PTPRN2: variants seen among roughly 807,000 people sequenced by gnomAD.
PTPRN2 encodes the protein receptor-type tyrosine-protein phosphatase N2.
In PTPRN2, 74 loss-of-function variants were observed where a neutral mutation model predicts 118.8. The ratio of observed to expected loss-of-function variants is 0.62; its 90% CI spans 0.52 to 0.76. The LOEUF (loss-of-function observed/expected upper bound fraction) is 0.76. Ranked by LOEUF, PTPRN2 falls within the 30% of genes least tolerant of loss-of-function variation. The pLI is 0.00. For missense variants in PTPRN2, 1,481 were observed against 1,394.4 expected, an observed-to-expected ratio of 1.06 and a Z score of -0.99; for synonymous variants, 641 against 608.0, an observed-to-expected ratio of 1.05 and a Z score of -0.80.
chr7:157,542,658 A>G (rs1798069144), intron 22 of PTPRN2, among the ~76,000 whole-genome samples: 2 of 152,194 alleles, frequency 1.3e-5, no homozygotes, highest in Non-Finnish European at 2.9e-5. Context: ...CCAACACTGC[A>G]CAGTCACCGG....
chr7:158,059,355 A>C (rs1355606102), intron 11 of PTPRN2, among the ~76,000 whole-genome samples: 145 of 102,566 alleles, frequency 1.4e-3, no homozygotes, highest in Middle Eastern at 0.014. Flanking sequence ...CTCCATCTGC[A>C]CACGGTGACG....
intron 4 of PTPRN2, among the ~76,000 whole-genome samples, chr7:158,194,360 T>A (rs561328891): frequency 5.3e-5 from 8 of 152,336 alleles, no homozygotes; most frequent in Middle Eastern, 6.8e-3. Context: ...GGCATCACCA[T>A]TAAAAAGATG....
chr7:157,772,362 CACAG>C (rs1481669177), intron 12 of PTPRN2, among the ~76,000 whole-genome samples: 6 of 151,942 alleles, frequency 3.9e-5, no homozygotes, highest in African/African-American at 1.5e-4. Flanking sequence ...CACACATACA[CACAG>C]ACACAGACAC....
Position 157,725,361 on chromosome 7 carries a change from G to C in PTPRN2, c.1789-42424C>G, listed in dbSNP as rs1275856827. 9.6e-4 allele frequency among the ~76,000 whole-genome samples: 35 copies of C among 36,428 alleles called. 1 individual carries two copies. The highest frequency in any genetic ancestry group is 1.4e-3 in the African/African-American group (10 of 7,048). 23.9% of individuals were successfully genotyped at this position (36,428 alleles called of 152,430 possible). ...GAACTGGATATCTACACACAGAGGAGTGTGGCCAGACCCTCGCCTCCCAGG... is the reference window on the plus strand; with the variant it reads ...GAACTGGATATCTACACACAGAGGACTGTGGCCAGACCCTCGCCTCCCAGG... On this transcript the variant is annotated intron_variant, in intron 12 of 22. Transcript: ENST00000389418.
intron 12 of PTPRN2, among the ~76,000 whole-genome samples, chr7:157,834,760 C>T (rs553345994): frequency 4.6e-5 from 7 of 152,334 alleles, no homozygotes; most frequent in East Asian, 3.9e-4. Flanking sequence ...GGACCCCAGG[C>T]GGGTGTGGGG....
chr7:158,234,937 T>C (rs145955307), intron 3 of PTPRN2, among the ~76,000 whole-genome samples: 1,991 of 152,246 alleles, frequency 0.013, 18 homozygotes, highest in Middle Eastern at 0.044. Flanking sequence ...TAATTTTTTG[T>C]ATTTTTAGTA....
chr7:157,772,304 C>CACACAA (rs1563092080), intron 12 of PTPRN2, among the ~76,000 whole-genome samples: 2,797 of 144,856 alleles, frequency 0.019, 99 homozygotes, highest in African/African-American at 0.07. Context: ...CACAGACATA[C>CACACAA]AGACACACAT....
At chr7:158,149,319 T>A (rs909454241) in intron 6 of PTPRN2, among the ~76,000 whole-genome samples, 1 of 152,196 alleles carries the variant, frequency 6.6e-6, no homozygotes, top group Admixed American at 6.5e-5. Flanking sequence ...TGTAAATCAC[T>A]GCCTATATTT....
At chr7:158,355,140 C>G (rs1563193575) in intron 2 of PTPRN2, among the ~76,000 whole-genome samples, 1 of 152,142 alleles carries the variant, frequency 6.6e-6, no homozygotes, top group Admixed American at 6.5e-5. Context: ...GAATTCATCA[C>G]CACCAAACCC....
chr7:157,997,054 C>A (rs1174927100), intron 11 of PTPRN2, among the ~76,000 whole-genome samples: 2 of 152,324 alleles, frequency 1.3e-5, no homozygotes, highest in Non-Finnish European at 2.9e-5. Flanking sequence ...GAGGCCGGCA[C>A]GGGGGCCCAG....
chr7:157,789,964 TG>T, intron 12 of PTPRN2, among the ~76,000 whole-genome samples: 1 of 142,778 alleles, frequency 7.0e-6, no homozygotes, highest in East Asian at 2.2e-4. Flanking sequence ...GGTGGTGACA[TG>T]TGCGTATGGT....
At chr7:158,304,213 C>T (rs1341204966) in intron 3 of PTPRN2, among the ~76,000 whole-genome samples, 2 of 149,908 alleles carry the variant, frequency 1.3e-5, no homozygotes, top group Non-Finnish European at 3.0e-5. Flanking sequence ...CATCAATACA[C>T]ATAAGACGTA....
intron 5 of PTPRN2, among the ~76,000 whole-genome samples, chr7:158,183,427 T>TC (rs1419676680): frequency 1.3e-5 from 2 of 152,036 alleles, no homozygotes; most frequent in African/African-American, 4.8e-5. Flanking sequence ...TGCTTCCCAC[T>TC]CCCCCCTGGG....
At chr7:158,343,041 C>A (rs1807184065) in intron 2 of PTPRN2, among the ~76,000 whole-genome samples, 1 of 152,122 alleles carries the variant, frequency 6.6e-6, no homozygotes, top group African/African-American at 2.4e-5. Context: ...AAGAGTGAAA[C>A]TTCATCTCAA....
intron 3 of PTPRN2, among the ~76,000 whole-genome samples, chr7:158,274,276 G>C (rs1798784600): frequency 6.8e-6 from 1 of 146,236 alleles, no homozygotes. Context: ...CGCAGACACA[G>C]GGGGAGACGC....
intron 2 of PTPRN2, among the ~76,000 whole-genome samples, chr7:158,329,133 A>C (rs1446281158): frequency 1.3e-5 from 2 of 152,230 alleles, no homozygotes; most frequent in Non-Finnish European, 2.9e-5. Context: ...CGCACGACAG[A>C]AGCCACAGCT....
chr7:157,993,662 C>T (rs953856824), intron 11 of PTPRN2, among the ~76,000 whole-genome samples: 18 of 152,150 alleles, frequency 1.2e-4, no homozygotes, highest in Non-Finnish European at 2.5e-4. Context: ...AAGAGAGGGG[C>T]AGGGTGGGCC....
intron 1 of PTPRN2, among the ~76,000 whole-genome samples, chr7:158,513,268 T>C (rs1288949598): frequency 6.6e-6 from 1 of 152,192 alleles, no homozygotes; most frequent in Non-Finnish European, 1.5e-5. Context: ...CCAGGGGACA[T>C]TCTACAGACT....
intron 2 of PTPRN2, among the ~76,000 whole-genome samples, chr7:158,411,328 C>T (rs1403810772): frequency 1.3e-5 from 2 of 152,172 alleles, no homozygotes; most frequent in African/African-American, 4.8e-5. Flanking sequence ...GTGACATCTC[C>T]AGTCGCTTCC....
Sources: gnomAD v4.1 joint callset for allele counts (sites outside exome capture counted in the v4.1 genomes callset) on GRCh38, gnomAD v4.1.1 for gene constraint, MANE v1.5 for transcripts, NCBI Gene and HGNC (gene_info 2026-07-23, HGNC 2026-07-21) for gene names.